Variants in IL12B observed in about 807,000 individuals in gnomAD.
IL12B encodes the protein interleukin-12 subunit beta.
IL12B carries 27 observed loss-of-function variants against 39.2 expected under a neutral mutation model. The observed-to-expected ratio is 0.69, with a 90% CI of 0.51 to 0.95. The LOEUF is 0.95. Ranked by LOEUF, IL12B falls within the 40% of genes least tolerant of loss-of-function variation. The pLI, the probability that IL12B is intolerant of heterozygous loss-of-function variation, is 0.00. For missense variants in IL12B, 351 were observed against 397.6 expected, an observed-to-expected ratio of 0.88 and a Z score of 1.00; for synonymous variants, 142 against 152.1, an observed-to-expected ratio of 0.93 and a Z score of 0.49.
intron 2 of IL12B, among the ~76,000 whole-genome samples, chr5:159,323,792 C>T (rs1562113936): frequency 6.6e-6 from 1 of 152,022 alleles, no homozygotes; most frequent in Non-Finnish European, 1.5e-5. Flanking sequence ...TCTCCACTAA[C>T]CAGCTGGGGG....
chr5:159,329,231 A>G (rs866753998), intron 1 of IL12B, among the ~76,000 whole-genome samples: 14 of 152,182 alleles, frequency 9.2e-5, no homozygotes, highest in Middle Eastern at 3.2e-3. Context: ...ATTAAAGAAT[A>G]AAAAGATATA....
chr5:159,328,766 T>G (rs1754231120), intron 1 of IL12B, among the ~76,000 whole-genome samples: 1 of 152,196 alleles, frequency 6.6e-6, no homozygotes, highest in Non-Finnish European at 1.5e-5. Flanking sequence ...TCTGCATGCC[T>G]CAGATGCATT....
At chr5:159,322,763 G>A (rs1023504839) in intron 3 of IL12B, among the ~76,000 whole-genome samples, 10 of 152,052 alleles carry the variant, frequency 6.6e-5, no homozygotes, top group African/African-American at 7.2e-5. Flanking sequence ...ATACACTATC[G>A]GTTAATTTCC....
At chr5:159,319,024 C>A (rs1402996357) in intron 5 of IL12B, 131 bp from the exon 6 acceptor site, 7 of 825,446 alleles carry the variant, frequency 8.5e-6, no homozygotes, top group African/African-American at 1.7e-5. Context: ...TCTGTGAGCA[C>A]CTGGCTGGCA....
intron 4 of IL12B, 138 bp downstream of exon 4, chr5:159,322,256 G>A (rs562810272): frequency 6.7e-6 from 5 of 747,534 alleles, no homozygotes; most frequent in South Asian, 1.4e-5. Flanking sequence ...TGTAGACAAG[G>A]AAGGGCGGTT....
At chr5:159,326,642 G>A (rs1243375425) in intron 2 of IL12B, 53 bp downstream of exon 2, 1 of 1,289,288 alleles carries the variant, frequency 7.8e-7, no homozygotes, top group Non-Finnish European at 1.1e-6. Flanking sequence ...GGCTGCCCAA[G>A]AGTCCTGGCT....
chr5:159,316,546 A>G, intron 7 of IL12B, 139 bp downstream of exon 7: 2 of 839,740 alleles, frequency 2.4e-6, no homozygotes, highest in Non-Finnish European at 3.9e-6. Flanking sequence ...GTTAGTGAAT[A>G]AATGTATGTT....
At chr5:159,316,610 C>G in intron 7 of IL12B, 75 bp downstream of exon 7, 2 of 1,515,182 alleles carry the variant, frequency 1.3e-6, no homozygotes, top group Non-Finnish European at 1.8e-6. Context: ...CTCTCCAACA[C>G]AGCCCCCAAT....
rs1265144575 is a variant in IL12B, at chr5:159,326,771, C to T, written c.12G>A (p.Gln4=). 2 of 1,608,060 alleles carry T rather than the reference C, an allele frequency of 1.2e-6. No individual in the cohort carries two copies. The highest frequency in any genetic ancestry group is 1.7e-6 in the Non-Finnish European group (2 of 1,174,656). MCH[Q]QLVISWFSLV... is the part of the protein sequence containing the mutation. ...GGGAAAACCAAGAGATGACCAACTG[C>T]TGGTGACACATCTATAAGAAGGGAG... The change falls in exon 2 of 8, where the codon CAG becomes CAA. Residue 4 remains glutamine (Q), a synonymous_variant. Transcript: ENST00000231228.
At chr5:159,326,866 A>T in intron 1 of IL12B, 84 bp from the exon 2 acceptor site, 2 of 879,054 alleles carry the variant, frequency 2.3e-6, no homozygotes, top group Non-Finnish European at 3.9e-6. Context: ...GAATGTCAAT[A>T]ATTCTTGTTA....
intron 3 of IL12B, 83 bp downstream of exon 3, chr5:159,322,970 TG>T: frequency 7.6e-7 from 1 of 1,319,458 alleles, no homozygotes; most frequent in Non-Finnish European, 1.1e-6. Flanking sequence ...CACCATGACT[TG>T]GCTTTTCAAT....
chr5:159,316,460 C>T (rs1015527986), intron 7 of IL12B, among the ~76,000 whole-genome samples: 5 of 152,216 alleles, frequency 3.3e-5, no homozygotes, highest in African/African-American at 9.6e-5. Context: ...GCCAGAACCC[C>T]GGTCTGTTTT....
At chr5:159,321,466 TATAC>T (rs1754092876) in intron 4 of IL12B, among the ~76,000 whole-genome samples, 2 of 151,902 alleles carry the variant, frequency 1.3e-5, no homozygotes, top group East Asian at 3.8e-4. Context: ...ATATTTTACT[TATAC>T]ATATAGATTT....
intron 2 of IL12B, chr5:159,325,734 A>G (rs1220982962): frequency 6.6e-6 from 1 of 152,170 alleles, no homozygotes; most frequent in African/African-American, 2.4e-5. Context: ...GACAGTCTCT[A>G]CTTCATATGG....
intron 5 of IL12B, among the ~76,000 whole-genome samples, chr5:159,319,485 A>G (rs574415813): frequency 1.3e-5 from 2 of 152,320 alleles, no homozygotes; most frequent in South Asian, 2.1e-4. Context: ...GAGTTTCACA[A>G]AGACTCCTTC....
chr5:159,319,850 T>TA (rs1179491686), intron 5 of IL12B, among the ~76,000 whole-genome samples: 5 of 151,422 alleles, frequency 3.3e-5, no homozygotes, highest in South Asian at 2.1e-4. Context: ...ATCTGCCAAT[T>TA]AAAAAAAAAG....
rs569969190 is a variant in IL12B, at chr5:159,316,016, C to T, written c.*85G>A. 6.6e-6 allele frequency: 1 copy of T among 152,564 alleles called. No homozygotes were observed. The highest frequency in any genetic ancestry group is 6.5e-5 in the Admixed American group (1 of 15,304). 9.5% of individuals were successfully genotyped at this position (152,564 alleles called of 1,614,324 possible). On this transcript the variant is annotated 3_prime_UTR_variant, in exon 8 of 8. Transcript: ENST00000231228. ...TTAAAGCAAATCAGATAGAAATTATCTTTTTGGGTCTATTCCGTTGTGTCT... is the reference window on the plus strand; with the variant it reads ...TTAAAGCAAATCAGATAGAAATTATTTTTTTGGGTCTATTCCGTTGTGTCT...
chr5:159,316,600 C>T, intron 7 of IL12B, 85 bp downstream of exon 7: 1 of 1,457,798 alleles, frequency 6.9e-7, no homozygotes, highest in Non-Finnish European at 9.4e-7. Flanking sequence ...TCCCCCTTTC[C>T]TCTCCAACAC....
chr5:159,330,033 G>A (rs910991320), intron 1 of IL12B, among the ~76,000 whole-genome samples: 8 of 152,114 alleles, frequency 5.3e-5, no homozygotes, highest in South Asian at 2.1e-4. Context: ...AGGAATGCAC[G>A]AAAGGCTTTT....
Sources: gnomAD v4.1 joint callset for allele counts (sites outside exome capture counted in the v4.1 genomes callset) on GRCh38, gnomAD v4.1.1 for gene constraint, MANE v1.5 for transcripts, NCBI Gene and HGNC (gene_info 2026-07-23, HGNC 2026-07-21) for gene names.